The following AHCY variants were observed in gnomAD, a reference collection of about 807,000 sequenced individuals.
AHCY encodes the protein adenosylhomocysteinase, also known as S-adenosyl-L-homocysteine hydrolase.
A neutral mutation model predicts 45.4 loss-of-function variants in AHCY; 24 were observed. The observed-to-expected ratio is 0.53, with a 90% CI of 0.38 to 0.74. The LOEUF (loss-of-function observed/expected upper bound fraction) is 0.74, where lower values mean the gene tolerates loss of function less well. Among genes scored for constraint, AHCY ranks in the 30% least tolerant of loss-of-function variants. AHCY has a pLI of 0.00. For missense variants in AHCY, 449 were observed against 594.1 expected (o/e 0.76, Z 2.54); for synonymous variants, 245 against 235.1 (o/e 1.04, Z -0.39).
chr20:34,275,892 T>C (rs2035906812), downstream of AHCY, among the ~76,000 whole-genome samples: 1 of 151,304 alleles, frequency 6.6e-6, no homozygotes, highest in African/African-American at 2.4e-5. Context: ...GGTTTCATTA[T>C]GTTGGCCAGG....
the AHCY span, chr20:34,263,043 G>A: frequency 3.2e-6 from 3 of 940,102 alleles, no homozygotes; most frequent in Non-Finnish European, 3.1e-6. Flanking sequence ...AGACTTCCTG[G>A]CTTGAGCTCT....
intron 8 of AHCY, among the ~76,000 whole-genome samples, chr20:34,289,038 C>G (rs1362380665): frequency 6.6e-6 from 1 of 152,124 alleles, no homozygotes; most frequent in Non-Finnish European, 1.5e-5. Context: ...GAGTCTCGCT[C>G]TGTTGCCCAG....
the AHCY span, among the ~76,000 whole-genome samples, chr20:34,265,062 T>A: frequency 6.6e-6 from 1 of 152,158 alleles, no homozygotes; most frequent in African/African-American, 2.4e-5. Context: ...CCTAAACTGC[T>A]GGGATTACCT....
rs1170051210 is a variant in AHCY, at chr20:34,291,432, T to C, written c.545A>G (p.Asp182Gly). 4.3e-6 allele frequency: 7 copies of C among 1,613,550 alleles called. No homozygotes were observed. Among genetic ancestry groups the C allele is most frequent in the Non-Finnish European group, 5.9e-6 (7 of 1,179,912 alleles). ...ILKVPAINVN[D>G]SVTKSKFDNL... The stretch of plus-strand genomic sequence containing the variant: ...CCCTCGGCTCACCTTGGTGACGGAG[T>C]CATTGACATTGATGGCAGGCACCTT... The change falls in exon 5 of 10, where the codon GAC becomes GGC. Residue 182 changes from aspartate (D) to glycine (G), a missense_variant. Asp to Gly is a moderately conservative substitution (Grantham distance 94). Coordinates refer to ENST00000217426, the MANE Select transcript of AHCY (RefSeq NM_000687.4).
In AHCY at chr20:34,301,652, T is replaced by C. The variant is rs76693794; in HGVS notation, c.28+1591A>G. 3.1e-3 allele frequency: 912 copies of C among 295,074 alleles called. 14 individuals are homozygous for C. Among genetic ancestry groups the C allele is most frequent in the African/African-American group, 0.02 (888 of 44,134 alleles). The allele number at this position is 295,074 out of a possible 1,614,324, so 18.3% of individuals were successfully genotyped here. On this transcript the variant is annotated intron_variant, in intron 1 of 9. Coordinates refer to ENST00000217426, the MANE Select transcript of AHCY (RefSeq NM_000687.4). ...AGCTCCCCATCCCCAAATCCAGCTT[T>C]ATCTCCACCCACACAACCCAATGGC...
chr20:34,257,070 C>CTTTTTTTTTTTTTTTTTTTTTTTTTTTT, the AHCY span, among the ~76,000 whole-genome samples: 5 of 139,426 alleles, frequency 3.6e-5, no homozygotes, highest in Admixed American at 7.2e-5. Flanking sequence ...CTTTCTTTCT[C>CTTTTTTTTTTTTTTTTTTTTTTTTTTTT]TTTTTTTTTT....
the AHCY span, chr20:34,269,328 A>AAT: frequency 6.5e-6 from 6 of 918,954 alleles, no homozygotes; most frequent in Non-Finnish European, 9.3e-6. Context: ...ATCGAAATAC[A>AAT]ATATATATAG....
In AHCY at chr20:34,280,818, T is replaced by A. The variant is rs1219885925; in HGVS notation, c.*216A>T. 3.1e-6 allele frequency: 2 copies of A among 655,258 alleles called. No individual in the cohort carries two copies. Among genetic ancestry groups the A allele is most frequent in the Non-Finnish European group, 5.2e-6 (2 of 387,876 alleles). The allele number at this position is 655,258 out of a possible 1,614,324, so 40.6% of individuals were successfully genotyped here. A position where few individuals can be genotyped will look rare whatever the true frequency, so the allele number is the denominator to read the frequency against. On this transcript the variant is annotated 3_prime_UTR_variant, in exon 10 of 10. Transcript: ENST00000217426. ...TGGTTCCCTGTGGCTGGGACCTCCA[T>A]CATGACCGGGGCTTGAAGAGGGTAC...
the AHCY span, among the ~76,000 whole-genome samples, chr20:34,254,660 T>C: frequency 1.3e-5 from 2 of 152,192 alleles, no homozygotes; most frequent in Non-Finnish European, 2.9e-5. Context: ...AATATTTTCA[T>C]TATAGGGTTC....
the AHCY span, among the ~76,000 whole-genome samples, chr20:34,241,689 C>G: frequency 6.6e-6 from 1 of 152,194 alleles, no homozygotes; most frequent in Non-Finnish European, 1.5e-5. Flanking sequence ...TGGCTTCTTT[C>G]TCTTTACTCT....
chr20:34,279,558 A>T (rs73100344), downstream of AHCY, among the ~76,000 whole-genome samples: 1,783 of 152,262 alleles, frequency 0.012, 20 homozygotes, highest in Non-Finnish European at 0.02. Context: ...TACTAATAAT[A>T]GTTGAAGTAC....
intron 2 of AHCY, 76 bp downstream of exon 2, chr20:34,295,319 C>A: frequency 6.3e-7 from 1 of 1,576,250 alleles, no homozygotes; most frequent in Non-Finnish European, 8.7e-7. Context: ...GGTCCCCACC[C>A]TGGCACAGTC....
intron 1 of AHCY, among the ~76,000 whole-genome samples, chr20:34,300,159 T>G (rs1018721116): frequency 4.1e-4 from 63 of 152,240 alleles, no homozygotes; most frequent in African/African-American, 1.4e-3. Context: ...CACTCCAACC[T>G]GGGTGAGAGG....
intron 8 of AHCY, chr20:34,286,504 G>A (rs866027): frequency 0.87 from 132,509 of 152,132 alleles, 57,785 homozygotes; most frequent in Admixed American, 0.91. Flanking sequence ...ATGCCGTGGC[G>A]CTCACATTGG....
chr20:34,277,754 C>CAAA (rs59920283), downstream of AHCY, among the ~76,000 whole-genome samples: 10 of 39,684 alleles, frequency 2.5e-4, no homozygotes, highest in Admixed American at 5.5e-4. Flanking sequence ...GACTCCATCT[C>CAAA]AAAAAAAAAA....
At chr20:34,307,144 G>T (rs940569149), upstream of AHCY, among the ~76,000 whole-genome samples, 6 of 148,598 alleles carry the variant, frequency 4.0e-5, no homozygotes, top group African/African-American at 1.5e-4. Flanking sequence ...TTGAGACAGG[G>T]TCTGCTATCT....
the AHCY span, among the ~76,000 whole-genome samples, chr20:34,237,661 G>A: frequency 9.9e-5 from 15 of 152,038 alleles, no homozygotes; most frequent in African/African-American, 3.6e-4. Flanking sequence ...TTGCCTAATT[G>A]TTCTAGGTAG....
At chr20:34,309,926 A>T (rs2036931540) in intron 1 of AHCY, among the ~76,000 whole-genome samples, 1 of 146,672 alleles carries the variant, frequency 6.8e-6, no homozygotes, top group Admixed American at 6.8e-5. Context: ...AGAAGGAAGG[A>T]AGGAAGGGAA....
At chr20:34,266,244 T>C in the AHCY span, among the ~76,000 whole-genome samples, 51 of 151,358 alleles carry the variant, frequency 3.4e-4, no homozygotes, top group East Asian at 9.4e-3. Context: ...CCCAGCTACT[T>C]GGGAGGCTGA....
Sources: allele counts gnomAD v4.1 joint callset (sites outside exome capture counted in the v4.1 genomes callset), GRCh38; gene constraint gnomAD v4.1.1; transcripts MANE v1.5; gene names NCBI Gene and HGNC (gene_info 2026-07-23, HGNC 2026-07-21).